Variants in PRKCE observed in about 807,000 individuals in gnomAD.
The protein encoded by PRKCE is protein kinase C epsilon type.
Under a neutral mutation model 85.4 loss-of-function variants are expected in PRKCE, and 16 were observed. The observed-to-expected ratio is 0.19, with a 90% CI of 0.13 to 0.28. The LOEUF (loss-of-function observed/expected upper bound fraction) is 0.28. Ranked by LOEUF, PRKCE falls within the 10% of genes least tolerant of loss-of-function variation. The pLI is 1.00. For synonymous variants in PRKCE, 388 were observed against 371.5 expected, an observed-to-expected ratio of 1.04 and a Z score of -0.51; for missense variants, 573 against 975.2, an observed-to-expected ratio of 0.59 and a Z score of 5.49.
chr2:45,873,407 A>G (rs1475608627), intron 2 of PRKCE, among the ~76,000 whole-genome samples: 1 of 152,064 alleles, frequency 6.6e-6, no homozygotes, highest in African/African-American at 2.4e-5. Context: ...TTTGTGGTAC[A>G]AGCTGCATAC....
At position 45,977,589 on chromosome 2, in the gene PRKCE, A is replaced by G. The variant is rs541636419; in HGVS notation, c.572+1001A>G. Among the ~76,000 whole-genome samples, 5 of 151,892 alleles carry G rather than the reference A, an allele frequency of 3.3e-5. No individual in the cohort carries two copies. In the South Asian group the frequency reaches 1.0e-3, roughly 32 times the overall value. On this transcript the variant is annotated intron_variant, in intron 3 of 14. Transcript: ENST00000306156. ...GAGGTGGAGGCTGCAGTGAGCCGAG[A>G]TCGCTATACTATACTCCAACCTGGG...
chr2:46,115,648 G>A (rs1284126179), intron 11 of PRKCE, among the ~76,000 whole-genome samples: 1 of 152,184 alleles, frequency 6.6e-6, no homozygotes, highest in East Asian at 1.9e-4. Flanking sequence ...GGGCATCAGT[G>A]CTTGCATCAA....
chr2:45,837,197 G>C (rs1690954716), intron 1 of PRKCE, among the ~76,000 whole-genome samples: 1 of 152,230 alleles, frequency 6.6e-6, no homozygotes, highest in African/African-American at 2.4e-5. Context: ...CAGAACTCCT[G>C]CTGGGCAGGT....
At position 46,186,472 on chromosome 2, in the gene PRKCE, C is replaced by T. The variant is rs780285305; in HGVS notation, c.*1591C>T. 3.9e-5 allele frequency: 6 copies of T among 152,430 alleles called. No individual in the cohort carries two copies. The highest frequency in any genetic ancestry group is 3.2e-3 in the Middle Eastern group (1 of 316). The allele number at this position is 152,430 out of a possible 1,614,324, so 9.4% of individuals were successfully genotyped here. A position where few individuals can be genotyped will look rare whatever the true frequency, so the allele number is the denominator to read the frequency against. On this transcript the variant is annotated 3_prime_UTR_variant, in exon 15 of 15. Coordinates refer to ENST00000306156, the MANE Select transcript of PRKCE (RefSeq NM_005400.3). ...CTGCATGTTCAGGCATATTATAAAA[C>T]TTTAGTCTATGAAAGAATAATTATA... is the stretch of plus-strand genomic sequence containing the variant.
intron 1 of PRKCE, among the ~76,000 whole-genome samples, chr2:45,663,615 C>T (rs1675777127): frequency 6.6e-6 from 1 of 152,094 alleles, no homozygotes; most frequent in Non-Finnish European, 1.5e-5. Context: ...AACCCCATCT[C>T]TACTAAAAAT....
At chr2:45,685,595 G>C (rs1572939047) in intron 1 of PRKCE, 1 of 152,040 alleles carries the variant, frequency 6.6e-6, no homozygotes, top group Middle Eastern at 3.4e-3. Flanking sequence ...TTTGAGACAA[G>C]CCTGAGCAAC....
At chr2:45,851,384 T>A (rs1041353835) in intron 2 of PRKCE, among the ~76,000 whole-genome samples, 2 of 152,184 alleles carry the variant, frequency 1.3e-5, no homozygotes, top group East Asian at 3.8e-4. Flanking sequence ...CAGAAGTGAA[T>A]AATAGAAACA....
At chr2:46,007,727 G>A in intron 9 of PRKCE, 66 bp downstream of exon 9, 1 of 1,508,134 alleles carries the variant, frequency 6.6e-7, no homozygotes, top group Non-Finnish European at 9.0e-7. Flanking sequence ...TCGTCTGTTT[G>A]ATCTAAGATT....
At chr2:45,933,424 C>A (rs917655101) in intron 2 of PRKCE, among the ~76,000 whole-genome samples, 8 of 132,614 alleles carry the variant, frequency 6.0e-5, no homozygotes, top group Non-Finnish European at 9.6e-5. Context: ...CCTATGACTT[C>A]TTCCAAAAGT....
At position 45,702,530 on chromosome 2, in the gene PRKCE, G is replaced by A. The variant is rs1678731991; in HGVS notation, c.348+50082G>A. On this transcript the variant is annotated intron_variant, in intron 1 of 14. Transcript: ENST00000306156. ...TTGCATGTGTTTATCCTGAGCGGTGGACTTTATGCCTCCTGAAGGCTGATT... is the reference window on the plus strand; with the variant it reads ...TTGCATGTGTTTATCCTGAGCGGTGAACTTTATGCCTCCTGAAGGCTGATT... Among the ~76,000 whole-genome samples, 3 of 152,292 alleles carry A rather than the reference G, an allele frequency of 2.0e-5. No homozygotes were observed. The South Asian group carries it at 6.2e-4, about 32-fold the overall frequency.
At chr2:46,167,202 TTCTAATTTGGG>T (rs1678423823) in intron 14 of PRKCE, among the ~76,000 whole-genome samples, 1 of 152,022 alleles carries the variant, frequency 6.6e-6, no homozygotes, top group African/African-American at 2.4e-5. Context: ...TGCAACCAGG[TTCTAATTTGGG>T]CTGTGGGATA....
intron 10 of PRKCE, among the ~76,000 whole-genome samples, chr2:46,040,179 G>A (rs1708136449): frequency 6.6e-6 from 1 of 152,162 alleles, no homozygotes; most frequent in African/African-American, 2.4e-5. Context: ...CTCATGGTAG[G>A]TGCCTAGGGG....
At chr2:46,156,834 G>A (rs1677254749) in intron 13 of PRKCE, among the ~76,000 whole-genome samples, 1 of 152,132 alleles carries the variant, frequency 6.6e-6, no homozygotes, top group Admixed American at 6.5e-5. Context: ...TACAGTGAAA[G>A]GTCTCTGTCT....
intron 2 of PRKCE, among the ~76,000 whole-genome samples, chr2:45,961,217 T>C (rs557122406): frequency 1.3e-5 from 2 of 152,182 alleles, no homozygotes; most frequent in South Asian, 4.2e-4. Flanking sequence ...AGTACAGTAG[T>C]CACAATACCT....
chr2:46,101,989 G>A (rs1574475679), intron 11 of PRKCE, among the ~76,000 whole-genome samples: 1 of 152,010 alleles, frequency 6.6e-6, no homozygotes, highest in Non-Finnish European at 1.5e-5. Context: ...CAAAATTCCT[G>A]AAATTTTAAC....
At chr2:45,783,796 AGT>A (rs1210060629) in intron 1 of PRKCE, among the ~76,000 whole-genome samples, 1 of 152,192 alleles carries the variant, frequency 6.6e-6, no homozygotes, top group Non-Finnish European at 1.5e-5. Flanking sequence ...GGAGCCGGGA[AGT>A]GTGCAAGCTC....
chr2:45,780,981 G>C (rs13020767), intron 1 of PRKCE, among the ~76,000 whole-genome samples: 1 of 152,136 alleles, frequency 6.6e-6, no homozygotes, highest in East Asian at 1.9e-4. Flanking sequence ...GCCAGGGCTC[G>C]TGAAATGCTT....
intron 5 of PRKCE, among the ~76,000 whole-genome samples, chr2:45,982,844 C>T (rs1181840712): frequency 6.6e-6 from 1 of 152,208 alleles, no homozygotes; most frequent in Non-Finnish European, 1.5e-5. Context: ...TTCTTGGTCA[C>T]CTGGGACAAC....
At chr2:46,182,177 C>T (rs572142905) in intron 14 of PRKCE, among the ~76,000 whole-genome samples, 1 of 152,250 alleles carries the variant, frequency 6.6e-6, no homozygotes, top group East Asian at 1.9e-4. Flanking sequence ...CACAGCCTAC[C>T]CAGCCCGCTC....
Sources: allele counts gnomAD v4.1 joint callset (sites outside exome capture counted in the v4.1 genomes callset), GRCh38; gene constraint gnomAD v4.1.1; transcripts MANE v1.5; gene names NCBI Gene and HGNC (gene_info 2026-07-23, HGNC 2026-07-21).